The following OPCML variants were observed in gnomAD, a reference collection of about 807,000 sequenced individuals.
OPCML encodes opioid binding protein/cell adhesion molecule like.
Under a neutral mutation model 37.8 loss-of-function variants are expected in OPCML, and 13 were observed. The ratio of observed to expected loss-of-function variants is 0.34; its 90% CI spans 0.22 to 0.55. The LOEUF (loss-of-function observed/expected upper bound fraction) is 0.55, where lower values mean the gene tolerates loss of function less well. Ranked by LOEUF, OPCML falls within the 20% of genes least tolerant of loss-of-function variation. OPCML has a pLI of 0.91. For synonymous variants in OPCML, 176 were observed against 168.8 expected, an observed-to-expected ratio of 1.04 and a Z score of -0.33; for missense variants, 341 against 435.6, an observed-to-expected ratio of 0.78 and a Z score of 1.93.
chr11:132,552,763 C>CTTTTTTGTGTTTTTTTTTTTTT (rs2096385018), intron 3 of OPCML, among the ~76,000 whole-genome samples: 1 of 92,802 alleles, frequency 1.1e-5, no homozygotes, highest in Non-Finnish European at 2.0e-5. Context: ...AAACACTACT[C>CTTTTTTGTGTTTTTTTTTTTTT]TTTTTTTTTT....
chr11:133,058,538 C>T (rs1591960618), intron 1 of OPCML, among the ~76,000 whole-genome samples: 2 of 152,256 alleles, frequency 1.3e-5, no homozygotes, highest in African/African-American at 4.8e-5. Flanking sequence ...CTCCCTGTGT[C>T]CACTTCTGTT....
chr11:132,817,440 C>T (rs1450584435), intron 2 of OPCML, among the ~76,000 whole-genome samples: 1 of 151,932 alleles, frequency 6.6e-6, no homozygotes, highest in Non-Finnish European at 1.5e-5. Flanking sequence ...GACTTGGGAC[C>T]ACAGGTGTTT....
At chr11:132,516,201 C>T (rs749066612) in intron 4 of OPCML, among the ~76,000 whole-genome samples, 5 of 152,132 alleles carry the variant, frequency 3.3e-5, no homozygotes, top group Admixed American at 6.6e-5. Flanking sequence ...TAAGCTCACT[C>T]GTCATCCAGG....
At chr11:133,007,269 A>C (rs1947131176) in intron 1 of OPCML, 1 of 985,324 alleles carries the variant, frequency 1.0e-6, no homozygotes, top group African/African-American at 1.7e-5. Context: ...ATTCAAAATA[A>C]CTGAGCTATT....
At chr11:132,633,455 G>C (rs551689820) in intron 3 of OPCML, among the ~76,000 whole-genome samples, 2 of 152,230 alleles carry the variant, frequency 1.3e-5, no homozygotes, top group East Asian at 1.9e-4. Context: ...GAAATTAAAA[G>C]CCGGGAATGT....
intron 3 of OPCML, among the ~76,000 whole-genome samples, chr11:132,585,730 A>T (rs953692252): frequency 5.3e-5 from 8 of 152,214 alleles, no homozygotes; most frequent in Admixed American, 5.2e-4. Context: ...GTACAATCTA[A>T]AGAAATCAGG....
Position 133,263,607 on chromosome 11 carries a change from T to C in OPCML, c.61+268657A>G, listed in dbSNP as rs538645976. ...GGAATGTATCCCCATTGTTAAGCAG[T>C]GTGTAACTGTAGTTACTATGCACTG... On this transcript the variant is annotated intron_variant, in intron 1 of 7. Transcript: ENST00000524381. Among the ~76,000 whole-genome samples, 329 of 152,256 alleles carry C rather than the reference T, an allele frequency of 2.2e-3. 1 individual carries two copies. The highest frequency in any genetic ancestry group is 1.9e-3 in the Non-Finnish European group (132 of 68,014).
Position 133,458,562 on chromosome 11 carries a change from CACAT to C in OPCML, c.61+73698_61+73701del, listed in dbSNP as rs1374520496. Among the ~76,000 whole-genome samples, 9 of 102,680 alleles carry C rather than the reference CACAT, an allele frequency of 8.8e-5. 2 individuals carry two copies. Among genetic ancestry groups the C allele is most frequent in the Non-Finnish European group, 1.6e-5 (1 of 60,948 alleles). 67.4% of individuals were successfully genotyped at this position (102,680 alleles called of 152,430 possible). On this transcript the variant is annotated intron_variant, in intron 1 of 7. Transcript: ENST00000524381. ...ACATATATACACGTGTGTGTGTATA[CACAT>C]ATATACACGTGTGTGTACACATATA...
At position 133,206,352 on chromosome 11, in the gene OPCML, C is replaced by G. The variant is rs1424624492; in HGVS notation, c.62-263342G>C. On this transcript the variant is annotated intron_variant, in intron 1 of 7. Transcript: ENST00000524381. The surrounding 1 kb of genome is among the most constrained non-coding windows in gnomAD (Gnocchi z 4.7). ...ATTGATGAGTTCAGTTCTGTATCTA[C>G]TACCACGTAGCAATGAAACATTTAG... is the stretch of plus-strand genomic sequence containing the variant. Among the ~76,000 whole-genome samples the G allele has an allele frequency of 6.6e-5, 10 of 152,282 alleles. No homozygotes were observed. The highest frequency in any genetic ancestry group is 2.2e-4 in the African/African-American group (9 of 41,568).
intron 3 of OPCML, among the ~76,000 whole-genome samples, chr11:132,546,279 A>G (rs2096368458): frequency 6.6e-6 from 1 of 151,822 alleles, no homozygotes. Flanking sequence ...TTATTTATTT[A>G]TTTCTATTTT....
intron 7 of OPCML, among the ~76,000 whole-genome samples, chr11:132,421,105 A>G (rs1316395767): frequency 1.3e-5 from 2 of 152,082 alleles, no homozygotes; most frequent in Middle Eastern, 3.2e-3. Flanking sequence ...CCATGGCTCA[A>G]GAAGACAAAT....
At chr11:132,964,321 C>T (rs1946164474) in intron 1 of OPCML, among the ~76,000 whole-genome samples, 1 of 152,194 alleles carries the variant, frequency 6.6e-6, no homozygotes. Context: ...CTGCTTTTCA[C>T]AGCAGATGTT....
At chr11:132,893,988 A>G (rs11601915) in intron 2 of OPCML, among the ~76,000 whole-genome samples, 8,448 of 152,252 alleles carry the variant, frequency 0.055, 383 homozygotes, top group Middle Eastern at 0.13. Flanking sequence ...ACACAAGCAC[A>G]TGCCACACCA....
chr11:132,498,299 G>T (rs1264391845), intron 4 of OPCML, among the ~76,000 whole-genome samples: 1 of 152,210 alleles, frequency 6.6e-6, no homozygotes, highest in Non-Finnish European at 1.5e-5. Context: ...TACACATCAA[G>T]AACAAAGGCC....
intron 1 of OPCML, among the ~76,000 whole-genome samples, chr11:133,440,818 A>G (rs1175721013): frequency 1.4e-5 from 2 of 145,232 alleles, no homozygotes; most frequent in Non-Finnish European, 3.0e-5. Context: ...GTATGTGTAT[A>G]TATATATATA....
chr11:132,808,885 C>G (rs559759635), intron 2 of OPCML, among the ~76,000 whole-genome samples: 1 of 152,052 alleles, frequency 6.6e-6, no homozygotes, highest in Non-Finnish European at 1.5e-5. Flanking sequence ...TGGTGCTGAG[C>G]TGCTGAAAGC....
In OPCML at chr11:133,288,985, G is replaced by C. The variant is rs111442431; in HGVS notation, c.61+243279C>G. Among the ~76,000 whole-genome samples the C allele has an allele frequency of 8.2e-3, 1,243 of 152,258 alleles. 17 individuals are homozygous for C. The highest frequency in any genetic ancestry group is 0.046 in the South Asian group (220 of 4,822). On this transcript the variant is annotated intron_variant, in intron 1 of 7. Transcript: ENST00000524381. The stretch of plus-strand genomic sequence containing the variant: ...GGCCCAACCCATCAGGGACGCACAT[G>C]TGGAACTCTTAGAACACAGTCACAG...
In OPCML at chr11:132,933,169, C is replaced by T. The variant is rs1216186904; in HGVS notation, c.146+9757G>A. Among the ~76,000 whole-genome samples, 7 of 152,148 alleles carry T rather than the reference C, an allele frequency of 4.6e-5. 1 individual carries two copies. The highest frequency in any genetic ancestry group is 1.0e-4 in the Non-Finnish European group (7 of 68,034). On this transcript the variant is annotated intron_variant, in intron 2 of 7. Transcript: ENST00000524381. ...TCATAGTGAGATCTTGTGACAGAAG[C>T]AGCTGCATTTTAGGACCCAAGGAGA... is the stretch of plus-strand genomic sequence containing the variant.
chr11:133,403,055 C>G (rs1235684314), intron 1 of OPCML, among the ~76,000 whole-genome samples: 3 of 152,122 alleles, frequency 2.0e-5, no homozygotes, highest in Non-Finnish European at 1.5e-5. Context: ...ACACTCTAGG[C>G]TCTATGAGGA....
Sources: allele counts gnomAD v4.1 joint callset (sites outside exome capture counted in the v4.1 genomes callset), GRCh38; gene constraint gnomAD v4.1.1; non-coding constraint Gnocchi (gnomAD v3.1); transcripts MANE v1.5; gene names NCBI Gene and HGNC (gene_info 2026-07-23, HGNC 2026-07-21).